The following UMAD1 variants were observed in gnomAD, a reference collection of about 807,000 sequenced individuals.
UMAD1 encodes UBAP1-MVB12-associated (UMA)-domain containing protein 1.
UMAD1 carries 8 observed loss-of-function variants against 6.1 expected under a neutral mutation model. That is an observed-to-expected ratio of 1.30 (90% confidence interval 0.76 to 2.35). The LOEUF is 2.35. UMAD1 is among the 30% of genes most tolerant of loss of function. The pLI is 0.00. For synonymous variants in UMAD1, 56 were observed against 31.4 expected (o/e 1.78, Z -2.61); for missense variants, 130 against 78.4 (o/e 1.66, Z -2.49).
chr7:7,656,050 G>C (rs963154735), intron 1 of UMAD1, among the ~76,000 whole-genome samples: 4 of 152,000 alleles, frequency 2.6e-5, no homozygotes. Flanking sequence ...GGTCAGGCTG[G>C]TCTCAAACTC....
chr7:7,847,105 ATATATATATATATATATATAT>A lies in UMAD1; in HGVS notation c.157-30175_157-30155del, dbSNP rs1402058445. ...AGCAATGCAAAAAAAAAAAAAAAAAATATATATATATATATATATATATATATATATATATATATATATATA... is the reference window on the plus strand; with the variant it reads ...AGCAATGCAAAAAAAAAAAAAAAAAAATATATATATATATATATATATATA... On this transcript the variant is annotated intron_variant, in intron 3 of 3. Coordinates refer to ENST00000682710, the MANE Select transcript of UMAD1 (RefSeq NM_001302348.2). 2.4e-3 allele frequency among the ~76,000 whole-genome samples: 11 copies of A among 4,542 alleles called. 2 individuals carry two copies. Among genetic ancestry groups the A allele is most frequent in the East Asian group, 0.032 (2 of 62 alleles). The allele number at this position is 4,542 out of a possible 152,430, so 3.0% of individuals were successfully genotyped here.
At chr7:7,681,907 C>G (rs1563117652) in intron 2 of UMAD1, among the ~76,000 whole-genome samples, 1 of 151,646 alleles carries the variant, frequency 6.6e-6, no homozygotes, top group Non-Finnish European at 1.5e-5. Flanking sequence ...AAAACTAAGA[C>G]AAAAGCATGA....
chr7:7,707,348 A>G (rs1780630946), intron 2 of UMAD1, among the ~76,000 whole-genome samples: 1 of 152,200 alleles, frequency 6.6e-6, no homozygotes, highest in Admixed American at 6.6e-5. Context: ...ATTTGTAACT[A>G]CGGTACTTTT....
intron 2 of UMAD1, among the ~76,000 whole-genome samples, chr7:7,750,226 G>A (rs1423519307): frequency 6.6e-6 from 1 of 151,868 alleles, no homozygotes; most frequent in Non-Finnish European, 1.5e-5. Context: ...ATACCCATTT[G>A]CCCAAATCTG....
chr7:7,773,528 G>A lies in UMAD1; in HGVS notation c.83-28142G>A, dbSNP rs113416565. On this transcript the variant is annotated intron_variant, in intron 2 of 3. Transcript: ENST00000682710. ...GCATCACAGTCTACAGTAGCAAAAT[G>A]ACTTTCAAGGTCAGAGGGAGCTTAA... Among the ~76,000 whole-genome samples, 619 of 152,170 alleles carry A rather than the reference G, an allele frequency of 4.1e-3. 3 individuals are homozygous for A. Among genetic ancestry groups the A allele is most frequent in the African/African-American group, 0.014 (598 of 41,508 alleles).
intron 1 of UMAD1, among the ~76,000 whole-genome samples, chr7:7,668,597 A>G (rs1225020074): frequency 2.0e-5 from 3 of 152,232 alleles, no homozygotes; most frequent in African/African-American, 7.2e-5. Context: ...AAGTGAAACA[A>G]CATGTAATGA....
At chr7:7,846,109 C>T (rs1783778338) in intron 3 of UMAD1, among the ~76,000 whole-genome samples, 1 of 151,996 alleles carries the variant, frequency 6.6e-6, no homozygotes, top group Non-Finnish European at 1.5e-5. Flanking sequence ...TGAACTGTGA[C>T]CTTGGGCCAT....
intron 2 of UMAD1, among the ~76,000 whole-genome samples, chr7:7,748,386 A>G (rs931213635): frequency 1.3e-5 from 2 of 152,188 alleles, no homozygotes; most frequent in Non-Finnish European, 2.9e-5. Context: ...ATATGCATTT[A>G]TAAAATAAAG....
At chr7:7,669,284 AG>A (rs1282427547) in intron 1 of UMAD1, among the ~76,000 whole-genome samples, 1 of 152,178 alleles carries the variant, frequency 6.6e-6, no homozygotes, top group Non-Finnish European at 1.5e-5. Flanking sequence ...GACACACTGT[AG>A]GAACTCAGTA....
chr7:7,807,681 G>A (rs981447835), intron 3 of UMAD1, among the ~76,000 whole-genome samples: 6 of 152,114 alleles, frequency 3.9e-5, no homozygotes, highest in East Asian at 3.9e-4. Flanking sequence ...ATATTTTAGC[G>A]CATTTACACG....
At chr7:7,781,032 G>T (rs1426425934) in intron 2 of UMAD1, among the ~76,000 whole-genome samples, 1 of 152,126 alleles carries the variant, frequency 6.6e-6, no homozygotes, top group African/African-American at 2.4e-5. Context: ...CCTGGAAGTG[G>T]ATTTACCAGC....
chr7:7,742,278 C>A lies in UMAD1; in HGVS notation c.83-59392C>A. ...ACAGTGAACACAAGCGTGCTGTTGT[C>A]TTCTGTCTTCTTCATGGCCGACTCA... On this transcript the variant is annotated intron_variant, in intron 2 of 3. Coordinates refer to ENST00000682710, the MANE Select transcript of UMAD1 (RefSeq NM_001302348.2). 3 of 661,650 alleles carry A rather than the reference C, an allele frequency of 4.5e-6. No individual in the cohort carries two copies. In the East Asian group the frequency reaches 8.3e-5, roughly 18 times the overall value. 41.0% of individuals were successfully genotyped at this position (661,650 alleles called of 1,614,324 possible). A position where few individuals can be genotyped will look rare whatever the true frequency, so the allele number is the denominator to read the frequency against.
chr7:7,667,666 C>T (rs891945820), intron 1 of UMAD1, among the ~76,000 whole-genome samples: 1 of 152,152 alleles, frequency 6.6e-6, no homozygotes, highest in Non-Finnish European at 1.5e-5. Context: ...GTCTTCACAG[C>T]ATAGAGCTGA....
At chr7:7,871,126 A>G (rs1390505075) in intron 3 of UMAD1, among the ~76,000 whole-genome samples, 6 of 152,176 alleles carry the variant, frequency 3.9e-5, no homozygotes, top group Admixed American at 6.5e-5. Flanking sequence ...GGATAAATAT[A>G]TCTTAAACTA....
chr7:7,779,504 T>TA (rs1782301158), intron 2 of UMAD1, among the ~76,000 whole-genome samples: 1 of 152,128 alleles, frequency 6.6e-6, no homozygotes, highest in Admixed American at 6.5e-5. Flanking sequence ...ATCTTGGCCT[T>TA]AAGTGATCCT....
chr7:7,827,315 A>G (rs2115301837), intron 3 of UMAD1, among the ~76,000 whole-genome samples: 1 of 152,256 alleles, frequency 6.6e-6, no homozygotes, highest in Non-Finnish European at 1.5e-5. Context: ...CTGTGGCTGC[A>G]GTGGCCAACG....
chr7:7,814,446 C>A lies in UMAD1; in HGVS notation c.156+12703C>A, dbSNP rs151026312. Among the ~76,000 whole-genome samples, 6 of 152,116 alleles carry A rather than the reference C, an allele frequency of 3.9e-5. No homozygotes were observed. In the East Asian group the frequency reaches 1.2e-3, roughly 29 times the overall value. ...GTTCAGTTTTAGTAACTATTTAAGACCTTATGAGATATGCATCTGCTTGCT... is the reference window on the plus strand; with the variant it reads ...GTTCAGTTTTAGTAACTATTTAAGAACTTATGAGATATGCATCTGCTTGCT... On this transcript the variant is annotated intron_variant, in intron 3 of 3. Transcript: ENST00000682710.
intron 2 of UMAD1, among the ~76,000 whole-genome samples, chr7:7,709,402 A>G (rs1412753783): frequency 1.3e-5 from 2 of 152,222 alleles, no homozygotes; most frequent in Non-Finnish European, 2.9e-5. Flanking sequence ...AGTCCTGTGG[A>G]TAAGCTGGAG....
Position 7,835,462 on chromosome 7 carries a change from CTTTTTTTTTTTTTTTTT to C in UMAD1, c.156+33741_156+33757del, listed in dbSNP as rs150411259. Among the ~76,000 whole-genome samples the C allele has an allele frequency of 2.1e-3, 71 of 33,672 alleles. No homozygotes were observed. The East Asian group carries it at 0.028, about 13-fold the overall frequency. The allele number at this position is 33,672 out of a possible 152,430, so 22.1% of individuals were successfully genotyped here. Reference sequence around the variant, plus strand: ...CATTCATTCACTCATTGAAACAGCACTTTTTTTTTTTTTTTTTTTTTTTTTTTTTTTTTTTTTTAGCT... The same window carrying C: ...CATTCATTCACTCATTGAAACAGCACTTTTTTTTTTTTTTTTTTTTTAGCT... On this transcript the variant is annotated intron_variant, in intron 3 of 3. Transcript: ENST00000682710.
Sources: allele counts gnomAD v4.1 joint callset (sites outside exome capture counted in the v4.1 genomes callset), GRCh38; gene constraint gnomAD v4.1.1; transcripts MANE v1.5; gene names NCBI Gene and HGNC (gene_info 2026-07-23, HGNC 2026-07-21).